Variants in PRKCA observed in about 807,000 individuals in gnomAD.
PRKCA encodes protein kinase C alpha type.
PRKCA carries 27 observed loss-of-function variants against 87.0 expected under a neutral mutation model. The observed-to-expected ratio is 0.31, with a 90% CI of 0.23 to 0.43. PRKCA has a LOEUF of 0.43. PRKCA is among the 20% of genes least tolerant of loss of function. The pLI is 1.00. For missense variants in PRKCA, 518 were observed against 852.3 expected, an observed-to-expected ratio of 0.61 and a Z score of 4.88; for synonymous variants, 329 against 311.1, an observed-to-expected ratio of 1.06 and a Z score of -0.61.
intron 3 of PRKCA, among the ~76,000 whole-genome samples, chr17:66,622,838 A>G (rs1281460494): frequency 6.6e-6 from 1 of 152,256 alleles, no homozygotes; most frequent in East Asian, 1.9e-4. Flanking sequence ...GAGACTTACT[A>G]CTACAAGAAC....
intron 2 of PRKCA, among the ~76,000 whole-genome samples, chr17:66,390,054 T>A (rs1910277346): frequency 6.6e-6 from 1 of 152,230 alleles, no homozygotes; most frequent in East Asian, 1.9e-4. Flanking sequence ...TGAAACCCCG[T>A]CTCTACTAAA....
intron 3 of PRKCA, among the ~76,000 whole-genome samples, chr17:66,508,722 T>G (rs1372138319): frequency 6.6e-6 from 1 of 152,202 alleles, no homozygotes; most frequent in African/African-American, 2.4e-5. Context: ...CTCTTTCCTC[T>G]CCATCTCCAT....
chr17:66,406,585 GTTTT>G (rs71160568), intron 2 of PRKCA, among the ~76,000 whole-genome samples: 1,924 of 70,272 alleles, frequency 0.027, 102 homozygotes, highest in South Asian at 0.078. Context: ...GCTTTTCCAG[GTTTT>G]TTTTTTTTTT....
At chr17:66,501,743 GTTTAGAAATGGCTTCTCCCCCTTCTC>G (rs1467140226) in intron 3 of PRKCA, among the ~76,000 whole-genome samples, 1 of 152,208 alleles carries the variant, frequency 6.6e-6, no homozygotes, top group African/African-American at 2.4e-5. Context: ...AGTGCTCTGT[GTTTAGAAATGGCTTCTCCCCCTTCTC>G]CACCAAATTA....
rs558284832 is a variant in PRKCA at position 66,775,554 on chromosome 17, G to A, written c.1605+1487G>A. The A allele has an allele frequency of 4.0e-5, 39 of 985,390 alleles. No homozygotes were observed. In the East Asian group the frequency reaches 4.0e-3, roughly 100 times the overall value. The allele number at this position is 985,390 out of a possible 1,614,324, so 61.0% of individuals were successfully genotyped here. A position where few individuals can be genotyped will look rare whatever the true frequency, so the allele number is the denominator to read the frequency against. On this transcript the variant is annotated intron_variant, in intron 14 of 16. Transcript: ENST00000413366. ...TATACTAAACATGATTCTGCCGTGGGCAGCTTTTTATAATTCCCAGCACTC... is the reference window on the plus strand; with the variant it reads ...TATACTAAACATGATTCTGCCGTGGACAGCTTTTTATAATTCCCAGCACTC...
At chr17:66,335,249 T>C (rs1208468710) in intron 2 of PRKCA, among the ~76,000 whole-genome samples, 4 of 152,058 alleles carry the variant, frequency 2.6e-5, no homozygotes, top group Non-Finnish European at 5.9e-5. Flanking sequence ...CGTCTCAGCC[T>C]CCGTAATAGC....
intron 3 of PRKCA, among the ~76,000 whole-genome samples, chr17:66,564,759 A>T (rs1414484598): frequency 1.3e-5 from 2 of 152,132 alleles, no homozygotes; most frequent in Non-Finnish European, 2.9e-5. Flanking sequence ...AGGTGGGTGG[A>T]TCACGAGGTC....
chr17:66,520,966 C>T (rs565939282), intron 3 of PRKCA, among the ~76,000 whole-genome samples: 2 of 152,126 alleles, frequency 1.3e-5, no homozygotes, highest in African/African-American at 4.8e-5. Context: ...TTAAAAGTCT[C>T]CATGCCAGGG....
At chr17:66,448,159 C>T (rs532133106) in intron 2 of PRKCA, among the ~76,000 whole-genome samples, 87 of 152,130 alleles carry the variant, frequency 5.7e-4, no homozygotes, top group Non-Finnish European at 8.4e-4. Context: ...GCCCTTTTTC[C>T]GCTAACAAGT....
At chr17:66,650,537 T>A (rs1971566037) in intron 5 of PRKCA, among the ~76,000 whole-genome samples, 2 of 152,178 alleles carry the variant, frequency 1.3e-5, no homozygotes, top group South Asian at 4.1e-4. Flanking sequence ...GGAGCACGTC[T>A]CTCCCACAGA....
chr17:66,330,594 G>A (rs1446953710), intron 2 of PRKCA, among the ~76,000 whole-genome samples: 1 of 152,170 alleles, frequency 6.6e-6, no homozygotes, highest in Non-Finnish European at 1.5e-5. Flanking sequence ...GCAAGCATTT[G>A]TTGCTGCTTG....
intron 3 of PRKCA, among the ~76,000 whole-genome samples, chr17:66,567,307 C>T (rs1968931922): frequency 6.6e-6 from 1 of 152,202 alleles, no homozygotes; most frequent in Admixed American, 6.5e-5. Flanking sequence ...TGTGCAGTGG[C>T]ACCGAACAAC....
rs932270729 is a variant in PRKCA, at chr17:66,650,295, G to A, written c.529+4784G>A. 5.3e-5 allele frequency among the ~76,000 whole-genome samples: 8 copies of A among 152,222 alleles called. No homozygotes were observed. The East Asian group carries it at 9.7e-4, about 18-fold the overall frequency. On this transcript the variant is annotated intron_variant, in intron 5 of 16. Coordinates refer to ENST00000413366, the MANE Select transcript of PRKCA (RefSeq NM_002737.3). ...ATTTATGGGAAAGCCCCGAGCTTTG[G>A]TGGTGTATTTTTATTTTTTGCCTTT...
intron 2 of PRKCA, among the ~76,000 whole-genome samples, chr17:66,491,589 G>A (rs1362908396): frequency 1.3e-5 from 2 of 152,004 alleles, no homozygotes; most frequent in Admixed American, 1.3e-4. Context: ...ATATACCATG[G>A]TGAGATGAAT....
At chr17:66,570,337 C>T (rs879313192) in intron 3 of PRKCA, among the ~76,000 whole-genome samples, 1 of 152,146 alleles carries the variant, frequency 6.6e-6, no homozygotes, top group Non-Finnish European at 1.5e-5. Flanking sequence ...CATCAGGCTG[C>T]ATATTATGAC....
At chr17:66,321,205 G>C (rs912538649) in intron 2 of PRKCA, among the ~76,000 whole-genome samples, 2 of 152,050 alleles carry the variant, frequency 1.3e-5, no homozygotes, top group African/African-American at 4.8e-5. Flanking sequence ...TCCTATGCTA[G>C]GTTTCTGAGT....
At position 66,809,572 on chromosome 17, in the gene PRKCA, A is replaced by T. The variant is rs1458872706; in HGVS notation, c.*5535A>T. 2.0e-5 allele frequency: 3 copies of T among 152,076 alleles called. No individual in the cohort carries two copies. Among genetic ancestry groups the T allele is most frequent in the African/African-American group, 7.2e-5 (3 of 41,402 alleles). 9.4% of individuals were successfully genotyped at this position (152,076 alleles called of 1,614,324 possible). ...CCAATGCCCTGGAGCTTGTAGGAGG[A>T]CTTAGCCTGGGTCAGCTGGAGCACC... On this transcript the variant is annotated 3_prime_UTR_variant, in exon 17 of 17. Transcript: ENST00000413366.
chr17:66,352,761 A>G (rs1367099882), intron 2 of PRKCA, among the ~76,000 whole-genome samples: 3 of 151,372 alleles, frequency 2.0e-5, no homozygotes, highest in Non-Finnish European at 3.0e-5. Flanking sequence ...ACGGGGTTTC[A>G]CCATGTTGAC....
chr17:66,744,923 G>A (rs1279056453), intron 13 of PRKCA, among the ~76,000 whole-genome samples: 1 of 152,104 alleles, frequency 6.6e-6, no homozygotes. Context: ...CCCATGCAAC[G>A]TAGCATCTTC....
Sources: gnomAD v4.1 joint callset for allele counts (sites outside exome capture counted in the v4.1 genomes callset) on GRCh38, gnomAD v4.1.1 for gene constraint, MANE v1.5 for transcripts, NCBI Gene and HGNC (gene_info 2026-07-23, HGNC 2026-07-21) for gene names.